ENKUR: variants seen among roughly 807,000 people sequenced by gnomAD.
ENKUR encodes enkurin, TRPC channel interacting protein, also known as enkurin.
In ENKUR, 19 loss-of-function variants were observed where a neutral mutation model predicts 27.6. The ratio of observed to expected loss-of-function variants is 0.69; its 90% CI spans 0.48 to 1.01. The LOEUF is 1.01. ENKUR is among the 50% of genes least tolerant of loss of function. The pLI is 0.00. For missense variants in ENKUR, 312 were observed against 310.5 expected (o/e 1.00, Z -0.04); for synonymous variants, 117 against 96.9 (o/e 1.21, Z -1.22).
chr10:24,994,532 C>T (rs1361161639), intron 3 of ENKUR, among the ~76,000 whole-genome samples: 1 of 151,684 alleles, frequency 6.6e-6, no homozygotes, highest in Non-Finnish European at 1.5e-5. Flanking sequence ...TGGGGTGTCA[C>T]CATGTTGGCC....
chr10:25,001,571 T>A (rs1032499747), intron 1 of ENKUR, among the ~76,000 whole-genome samples: 24 of 152,176 alleles, frequency 1.6e-4, no homozygotes, highest in African/African-American at 5.5e-4. Flanking sequence ...ATTTTTTCTC[T>A]GTATTTCATT....
chr10:25,061,506 A>T, intron 1 of ENKUR: 1 of 212,998 alleles, frequency 4.7e-6, no homozygotes, highest in Non-Finnish European at 9.2e-6. Flanking sequence ...TCAGGAAAAA[A>T]AGGAAAAAAC....
intron 1 of ENKUR, among the ~76,000 whole-genome samples, chr10:25,004,938 T>C (rs563876097): frequency 3.3e-5 from 5 of 152,322 alleles, no homozygotes; most frequent in East Asian, 1.9e-4. Context: ...AATTTTTGTA[T>C]ATGGTGAGAG....
chr10:25,024,363 A>G, intron 2 of ENKUR: 2 of 1,614,064 alleles, frequency 1.2e-6, no homozygotes, highest in Non-Finnish European at 1.7e-6. Flanking sequence ...CTACTTCAGG[A>G]GACACAGGGA....
At chr10:25,056,050 TG>T (rs80081652) in intron 2 of ENKUR, among the ~76,000 whole-genome samples, 37,399 of 152,144 alleles carry the variant, frequency 0.25, 5,742 homozygotes, top group East Asian at 0.46. Context: ...GAGTATCTAC[TG>T]TATTCCTGAC....
chr10:24,984,650 C>T, intron 5 of ENKUR, 86 bp downstream of exon 5: 3 of 1,291,748 alleles, frequency 2.3e-6, no homozygotes, highest in Non-Finnish European at 2.1e-6. Flanking sequence ...TAGTATTTTC[C>T]TTTTTGAAAA....
At chr10:25,039,696 T>G (rs1433287217) in intron 2 of ENKUR, among the ~76,000 whole-genome samples, 1 of 152,206 alleles carries the variant, frequency 6.6e-6, no homozygotes, top group Non-Finnish European at 1.5e-5. Context: ...TTCAGTCATC[T>G]ACTGCTGCAT....
Position 25,059,406 on chromosome 10 carries a change from A to G in ENKUR, c.37+1706T>C, listed in dbSNP as rs531820549. Among the ~76,000 whole-genome samples the G allele has an allele frequency of 5.3e-5, 8 of 152,266 alleles. No individual in the cohort carries two copies. In the East Asian group the frequency reaches 1.5e-3, roughly 29 times the overall value. The stretch of plus-strand genomic sequence containing the variant: ...CTCAGCCTCCCAAAGTGCTGGGATT[A>G]CAGGCGTGAGCCACTGCACCCAGCC... On this transcript the variant is annotated intron_variant, in intron 2 of 5. Transcript: ENST00000615958.
intron 1 of ENKUR, among the ~76,000 whole-genome samples, chr10:25,001,372 C>T (rs965088874): frequency 6.7e-6 from 1 of 148,724 alleles, no homozygotes; most frequent in Non-Finnish European, 1.5e-5. Context: ...TCTTGGTATT[C>T]TTTTTTCTAC....
chr10:25,005,345 T>G (rs1588660110), intron 1 of ENKUR, among the ~76,000 whole-genome samples: 1 of 152,344 alleles, frequency 6.6e-6, no homozygotes, highest in East Asian at 1.9e-4. Context: ...AATCACCATA[T>G]AGTAAGTCCC....
intron 2 of ENKUR, among the ~76,000 whole-genome samples, chr10:25,049,280 C>T (rs1043652459): frequency 2.0e-5 from 3 of 152,106 alleles, no homozygotes; most frequent in South Asian, 2.1e-4. Context: ...TCTCCTACAA[C>T]GTGCTAGGCA....
At chr10:24,994,417 C>G (rs1025558870) in intron 3 of ENKUR, among the ~76,000 whole-genome samples, 13 of 151,522 alleles carry the variant, frequency 8.6e-5, no homozygotes, top group Admixed American at 8.5e-4. Context: ...CACTGCAACC[C>G]CCGCCTCCTG....
At chr10:24,998,880 C>A (rs1211855383) in intron 2 of ENKUR, among the ~76,000 whole-genome samples, 1 of 152,124 alleles carries the variant, frequency 6.6e-6, no homozygotes, top group Non-Finnish European at 1.5e-5. Context: ...GCTGGTTCTA[C>A]CACTTATTCA....
chr10:25,059,698 G>A (rs867114792), intron 2 of ENKUR, among the ~76,000 whole-genome samples: 2 of 152,152 alleles, frequency 1.3e-5, no homozygotes, highest in East Asian at 3.9e-4. Flanking sequence ...GCTCACGCCT[G>A]TAAGCCTGGA....
chr10:25,024,381 C>T (rs764121957), intron 2 of ENKUR: 4 of 1,613,894 alleles, frequency 2.5e-6, no homozygotes, highest in Middle Eastern at 1.6e-4. Flanking sequence ...GGAGTGCAGT[C>T]TTAAATGGTT....
chr10:25,018,682 G>A (rs1850660184), upstream of ENKUR, among the ~76,000 whole-genome samples: 1 of 120,068 alleles, frequency 8.3e-6, no homozygotes, highest in Non-Finnish European at 1.8e-5. Context: ...TTTTTTTTGC[G>A]AAGGATTATT....
At chr10:25,060,787 A>C (rs1162916530) in intron 2 of ENKUR, among the ~76,000 whole-genome samples, 1 of 152,172 alleles carries the variant, frequency 6.6e-6, no homozygotes, top group Non-Finnish European at 1.5e-5. Flanking sequence ...AGCTCACTGC[A>C]GCCTCAAACT....
intron 3 of ENKUR, 102 bp from the exon 4 acceptor site, chr10:24,990,711 A>C: frequency 8.4e-7 from 1 of 1,193,324 alleles, no homozygotes. Context: ...GGTACAGACT[A>C]AATCCTTTGT....
At chr10:25,012,580 T>C (rs1850476382) in intron 1 of ENKUR, among the ~76,000 whole-genome samples, 1 of 152,252 alleles carries the variant, frequency 6.6e-6, no homozygotes, top group South Asian at 2.1e-4. Context: ...TAAGGTTTAA[T>C]GACTGCCCTA....
Sources: gnomAD v4.1 joint callset for allele counts (sites outside exome capture counted in the v4.1 genomes callset) on GRCh38, gnomAD v4.1.1 for gene constraint, MANE v1.5 for transcripts, NCBI Gene and HGNC (gene_info 2026-07-23, HGNC 2026-07-21) for gene names.